The following TNS1 variants were observed in gnomAD, a reference collection of about 807,000 sequenced individuals.
The protein encoded by TNS1 is tensin 1.
In TNS1, 62 loss-of-function variants were observed where a neutral mutation model predicts 168.6. That is an observed-to-expected ratio of 0.37 (90% CI 0.30 to 0.45). The LOEUF (loss-of-function observed/expected upper bound fraction) is 0.45. Among genes scored for constraint, TNS1 ranks in the 20% least tolerant of loss-of-function variants. TNS1 has a pLI of 1.00. For missense variants in TNS1, 2,240 were observed against 2,339.4 expected, an observed-to-expected ratio of 0.96 and a Z score of 0.88; for synonymous variants, 934 against 933.2, an observed-to-expected ratio of 1.00 and a Z score of -0.02.
chr2:217,897,801 G>A lies in TNS1; in HGVS notation c.540C>T (p.Tyr180=). The part of the protein sequence containing the change: ...QMLKSKHGGN[Y]LLFNLSERRP... ...GGGCACGAGGATCCATCCTCACCAG[G>A]TAGTTGCCTCCATGTTTGGACTTGA... The change falls in exon 8 of 33, where the codon TAC becomes TAT. Residue 180 remains tyrosine (Y), a synonymous_variant. Coordinates refer to ENST00000682258, the MANE Select transcript of TNS1 (RefSeq NM_001387777.1). 3 of 1,598,364 alleles carry A rather than the reference G, an allele frequency of 1.9e-6. No individual in the cohort carries two copies. The South Asian group carries it at 3.4e-5, about 18-fold the overall frequency.
intron 4 of TNS1, among the ~76,000 whole-genome samples, chr2:217,919,639 C>T (rs950413220): frequency 3.3e-5 from 5 of 152,364 alleles, no homozygotes; most frequent in Admixed American, 1.3e-4. Context: ...CAGCCCACAA[C>T]TCACAGGGAT....
chr2:217,815,227 G>A (rs1374832283), intron 24 of TNS1: 3 of 528,414 alleles, frequency 5.7e-6, no homozygotes, highest in Non-Finnish European at 1.0e-5. Flanking sequence ...TACACACAGG[G>A]GAGAGCACCA....
chr2:217,956,105 C>T (rs1458912317), intron 3 of TNS1, among the ~76,000 whole-genome samples: 2 of 152,136 alleles, frequency 1.3e-5, no homozygotes, highest in East Asian at 3.9e-4. Flanking sequence ...GGGGCTCCCC[C>T]ACCCAGGGGT....
chr2:217,853,080 G>GCA (rs1947713262), intron 18 of TNS1, among the ~76,000 whole-genome samples: 1 of 151,876 alleles, frequency 6.6e-6, no homozygotes, highest in African/African-American at 2.4e-5. Context: ...CCCCACTCCG[G>GCA]CACACACACT....
At chr2:217,944,967 A>G (rs1048918434) in intron 3 of TNS1, among the ~76,000 whole-genome samples, 1 of 152,252 alleles carries the variant, frequency 6.6e-6, no homozygotes, top group Non-Finnish European at 1.5e-5. Context: ...CACCTATCAG[A>G]TGCTGGCCAC....
In TNS1 at chr2:217,817,898, G is replaced by A. The variant is rs369896597; in HGVS notation, c.4434C>T (p.Ser1478=). ...TTGGGCTCCCTTGCCGGAAGGCTGCGGAGTCTGGTGACGGGGAGGTGGCAG... is the reference window on the plus strand; with the variant it reads ...TTGGGCTCCCTTGCCGGAAGGCTGCAGAGTCTGGTGACGGGGAGGTGGCAG... ...SSPATSPSPD[S]AAFRQGSPTP... is the part of the protein sequence containing the mutation. The change falls in exon 24 of 33, where the codon TCC becomes TCT. Residue 1478 remains serine, a synonymous_variant. Transcript: ENST00000682258. The A allele has an allele frequency of 1.5e-4, 247 of 1,613,986 alleles. 1 individual carries two copies. Among genetic ancestry groups the A allele is most frequent in the South Asian group, 1.2e-3 (109 of 91,056 alleles).
rs542861955 is a variant in TNS1 at position 217,820,117 on chromosome 2, G to A, written c.3573-1358C>T. On this transcript the variant is annotated intron_variant, in intron 23 of 32. Transcript: ENST00000682258. ...TCCAGAATAAACTGGATTCTGAGGA[G>A]TGGGAGACAGAGCCAGGCTGAGCAG... 3.3e-5 allele frequency among the ~76,000 whole-genome samples: 5 copies of A among 152,294 alleles called. 1 individual carries two copies. In the South Asian group the frequency reaches 1.0e-3, roughly 32 times the overall value.
Position 217,818,520 on chromosome 2 carries a change from C to A in TNS1, c.3812G>T (p.Ser1271Ile). 1.9e-6 allele frequency: 3 copies of A among 1,614,248 alleles called. No homozygotes were observed. The highest frequency in any genetic ancestry group is 2.5e-6 in the Non-Finnish European group (3 of 1,180,050). ...SPESQARAQF[S>I]VAGVHTVPGS... ...AGGCACCGTGTGGACGCCAGCCACA[C>A]TGAACTGAGCTCGAGCCTGGCTTTC... Residue 1271 changes from serine (S) to isoleucine (I), a missense_variant, in exon 24 of 33, where the codon AGT (serine) becomes ATT (isoleucine). This residue lies in a region of TNS1 where 2,131 missense variants were observed against 2,171.2 expected (regional missense o/e 0.98). Coordinates refer to ENST00000682258, the MANE Select transcript of TNS1 (RefSeq NM_001387777.1).
chr2:218,000,390 C>A (rs562127272), intron 1 of TNS1, among the ~76,000 whole-genome samples: 1 of 152,266 alleles, frequency 6.6e-6, no homozygotes, highest in East Asian at 1.9e-4. Context: ...AGGAGTAGAG[C>A]CCAAGGAGTA....
intron 12 of TNS1, 27 bp downstream of exon 12, chr2:217,890,935 A>T: frequency 6.2e-7 from 1 of 1,601,498 alleles, no homozygotes. Context: ...ACATACATGC[A>T]AGGGGCTGTG....
chr2:217,834,309 G>A (rs1416662012), intron 21 of TNS1, among the ~76,000 whole-genome samples: 1 of 152,206 alleles, frequency 6.6e-6, no homozygotes, highest in Non-Finnish European at 1.5e-5. Flanking sequence ...CTTGAGCCAG[G>A]CCCAGCCAAC....
chr2:217,905,614 G>T lies in TNS1; in HGVS notation c.321+721C>A, dbSNP rs185176309. On this transcript the variant is annotated intron_variant, in intron 6 of 32. Coordinates refer to ENST00000682258, the MANE Select transcript of TNS1 (RefSeq NM_001387777.1). Reference sequence around the variant, plus strand: ...TCCCTGTTCCTCTGCAGCCCAGGGCGGGTGAAGACGGAGGGGCCAGCACAG... The same window carrying T: ...TCCCTGTTCCTCTGCAGCCCAGGGCTGGTGAAGACGGAGGGGCCAGCACAG... Among the ~76,000 whole-genome samples the T allele has an allele frequency of 2.8e-3, 429 of 152,348 alleles. 1 individual carries two copies. The highest frequency in any genetic ancestry group is 9.9e-3 in the African/African-American group (411 of 41,572).
At chr2:217,916,478 A>G (rs1955022185) in intron 4 of TNS1, among the ~76,000 whole-genome samples, 1 of 152,182 alleles carries the variant, frequency 6.6e-6, no homozygotes, top group Non-Finnish European at 1.5e-5. Flanking sequence ...TTTGGCGATC[A>G]CCCTTGAAAA....
intron 3 of TNS1, among the ~76,000 whole-genome samples, chr2:217,971,394 C>T (rs1575148082): frequency 6.6e-6 from 1 of 152,218 alleles, no homozygotes; most frequent in Non-Finnish European, 1.5e-5. Context: ...CACACTGTTG[C>T]GCATAGATCA....
At chr2:218,003,348 C>G (rs1242692205), upstream of TNS1, among the ~76,000 whole-genome samples, 3 of 152,166 alleles carry the variant, frequency 2.0e-5, no homozygotes, top group Non-Finnish European at 2.9e-5. Flanking sequence ...CTGGAACCCT[C>G]CAGACCACTG....
chr2:217,937,231 C>T, intron 3 of TNS1: 1 of 356,772 alleles, frequency 2.8e-6, no homozygotes, highest in Non-Finnish European at 5.6e-6. Context: ...GTCTTTCCAG[C>T]CTCATACCCA....
chr2:217,879,448 C>A (rs1479297074), intron 18 of TNS1: 1 of 454,786 alleles, frequency 2.2e-6, no homozygotes, highest in Non-Finnish European at 4.4e-6. Context: ...GTGCTTTTCA[C>A]AAGCAGCCTG....
Position 217,800,945 on chromosome 2 carries a change from C to T in TNS1, c.*3514G>A, listed in dbSNP as rs778453989. On this transcript the variant is annotated 3_prime_UTR_variant, in exon 33 of 33. Coordinates refer to ENST00000682258, the MANE Select transcript of TNS1 (RefSeq NM_001387777.1). ...TCCTACTCACTAACCTCCTGAGAGC[C>T]GTTTATAGGGGGATCACACTTGTCC... 1 of 152,166 alleles carries T rather than the reference C, an allele frequency of 6.6e-6. No homozygotes were observed. Among genetic ancestry groups the T allele is most frequent in the African/African-American group, 2.4e-5 (1 of 41,430 alleles). The allele number at this position is 152,166 out of a possible 1,614,324, so 9.4% of individuals were successfully genotyped here. A position where few individuals can be genotyped will look rare whatever the true frequency, so the allele number is the denominator to read the frequency against.
intron 6 of TNS1, among the ~76,000 whole-genome samples, chr2:217,901,043 C>T (rs1161945272): frequency 6.6e-6 from 1 of 152,064 alleles, no homozygotes; most frequent in African/African-American, 2.4e-5. Context: ...AAGACGAGGC[C>T]TAAGACAGTG....
Sources: allele counts gnomAD v4.1 joint callset (sites outside exome capture counted in the v4.1 genomes callset), GRCh38; gene constraint gnomAD v4.1.1; regional missense constraint gnomAD v4.1.1; transcripts MANE v1.5; gene names NCBI Gene and HGNC (gene_info 2026-07-23, HGNC 2026-07-21).